TIMD4: variants seen among roughly 807,000 people sequenced by gnomAD.
TIMD4 encodes the protein T cell immunoglobulin and mucin domain containing 4, also known as T-cell immunoglobulin and mucin domain-containing protein 4.
In TIMD4, 31 loss-of-function variants were observed where a neutral mutation model predicts 41.2. The observed-to-expected ratio is 0.75, with a 90% CI of 0.57 to 1.01. The LOEUF is 1.01. Among genes scored for constraint, TIMD4 ranks in the 50% least tolerant of loss-of-function variants. The pLI is 0.00. For missense variants in TIMD4, 479 were observed against 472.5 expected, an observed-to-expected ratio of 1.01 and a Z score of -0.13; for synonymous variants, 204 against 177.1, an observed-to-expected ratio of 1.15 and a Z score of -1.21.
intron 7 of TIMD4, among the ~76,000 whole-genome samples, chr5:156,921,345 G>C (rs900798794): frequency 6.6e-6 from 1 of 152,072 alleles, no homozygotes; most frequent in Admixed American, 6.6e-5. Flanking sequence ...ATCACGCCAG[G>C]CATGGTGGCT....
chr5:156,922,629 T>G (rs1205243473), intron 6 of TIMD4, among the ~76,000 whole-genome samples: 1 of 152,202 alleles, frequency 6.6e-6, no homozygotes, highest in Non-Finnish European at 1.5e-5. Context: ...GTTCTCAAAG[T>G]CTAGATGGGG....
intron 6 of TIMD4, among the ~76,000 whole-genome samples, chr5:156,926,037 G>A (rs1281802338): frequency 2.0e-5 from 3 of 152,218 alleles, no homozygotes; most frequent in African/African-American, 7.2e-5. Context: ...CTGGGTAGCT[G>A]GGACTACAGG....
chr5:156,930,646 T>C (rs1759429845), intron 5 of TIMD4, among the ~76,000 whole-genome samples: 1 of 152,268 alleles, frequency 6.6e-6, no homozygotes, highest in African/African-American at 2.4e-5. Flanking sequence ...TTTACATTTA[T>C]TTATACCTTA....
At chr5:156,953,377 C>T (rs775760557) in intron 2 of TIMD4, among the ~76,000 whole-genome samples, 9 of 151,832 alleles carry the variant, frequency 5.9e-5, no homozygotes, top group Non-Finnish European at 8.8e-5. Context: ...GAATATAGGC[C>T]GGGTGTGGTG....
intron 6 of TIMD4, chr5:156,924,375 C>G (rs181283995): frequency 2.6e-6 from 1 of 382,274 alleles, no homozygotes; most frequent in Non-Finnish European, 5.3e-6. Context: ...CTAAATGAAG[C>G]CAAAGATGTA....
chr5:156,920,458 G>A lies in TIMD4; in HGVS notation c.1052+6C>T, dbSNP rs758565340. ...TTACAACACCCATTCATGCAAGATAGATTACCTTGTGTGTTTCTGCGAACA... is the reference window on the plus strand; with the variant it reads ...TTACAACACCCATTCATGCAAGATAAATTACCTTGTGTGTTTCTGCGAACA... On this transcript the variant is annotated splice_donor_region_variant and intron_variant, in intron 8 of 8. Coordinates refer to ENST00000274532, the MANE Select transcript of TIMD4 (RefSeq NM_138379.3). 9 of 1,613,738 alleles carry A rather than the reference G, an allele frequency of 5.6e-6. No homozygotes were observed. In the East Asian group the frequency reaches 2.0e-4, roughly 36 times the overall value.
intron 5 of TIMD4, among the ~76,000 whole-genome samples, chr5:156,927,125 G>A (rs1448610158): frequency 6.6e-6 from 1 of 152,222 alleles, no homozygotes; most frequent in Admixed American, 6.5e-5. Context: ...GGCAGGTAGA[G>A]GGAGAAGCAT....
intron 6 of TIMD4, among the ~76,000 whole-genome samples, chr5:156,922,480 A>T (rs1209105232): frequency 2.6e-5 from 4 of 152,214 alleles, no homozygotes; most frequent in African/African-American, 9.6e-5. Flanking sequence ...TCCATGGTCA[A>T]ATCTCTTTCC....
chr5:156,922,985 A>T (rs999121241), intron 6 of TIMD4, among the ~76,000 whole-genome samples: 21 of 152,266 alleles, frequency 1.4e-4, no homozygotes, highest in Admixed American at 3.9e-4. Context: ...TGATTTTTTT[A>T]AATGTTTTAA....
Position 156,948,476 on chromosome 5 carries a change from A to T in TIMD4, c.784T>A (p.Ser262Thr), listed in dbSNP as rs199786546. 3.2e-6 allele frequency: 5 copies of T among 1,555,928 alleles called. No individual in the cohort carries two copies. In the East Asian group the frequency reaches 9.5e-5, roughly 30 times the overall value. The change falls in exon 5 of 9, where the codon TCA becomes ACA. Residue 262 changes from serine to threonine, a missense_variant. By Grantham distance (58) the Ser-to-Thr change is moderately conservative. Coordinates refer to ENST00000274532, the MANE Select transcript of TIMD4 (RefSeq NM_138379.3). ...TTCCACATTGACACGTGGGATGTTG[A>T]TGGGAGATCCCAAACTTTGGACTCT... Reference protein sequence around the residue: ...SKESKVWDLPSTSHVSMWKTS... With the variant: ...SKESKVWDLPTTSHVSMWKTS...
rs191031625 is a variant in TIMD4, at chr5:156,953,233, T to C, written c.400+1182A>G. Among the ~76,000 whole-genome samples the C allele has an allele frequency of 6.4e-3, 977 of 152,290 alleles. 4 individuals are homozygous for C. The highest frequency in any genetic ancestry group is 0.01 in the Non-Finnish European group (701 of 68,022). On this transcript the variant is annotated intron_variant, in intron 2 of 8. Coordinates refer to ENST00000274532, the MANE Select transcript of TIMD4 (RefSeq NM_138379.3). ...AACCTCATTTCTCTCTTCTGCAAAA[T>C]TGGAATAGCTTTTATCTCAGAATGT...
Position 156,954,500 on chromosome 5 carries a change from A to G in TIMD4, c.315T>C (p.Ser105=). 6.2e-7 allele frequency: 1 copy of G among 1,614,232 alleles called. No individual in the cohort carries two copies. Reference sequence around the variant, plus strand: ...TGCGGCAGCAGTACACACCGCTGTCACTTTCACTGGGGTTTAAGATGGTCA... The same window carrying G: ...TGCGGCAGCAGTACACACCGCTGTCGCTTTCACTGGGGTTTAAGATGGTCA... The part of the protein sequence containing the change: ...VSLTILNPSE[S]DSGVYCCRIE... Residue 105 remains serine (S), a synonymous_variant, in exon 2 of 9, where the codon AGT becomes AGC. Transcript: ENST00000274532.
chr5:156,958,705 A>T (rs1035971024), intron 1 of TIMD4, among the ~76,000 whole-genome samples: 1 of 152,210 alleles, frequency 6.6e-6, no homozygotes, highest in African/African-American at 2.4e-5. Flanking sequence ...CACGTTTGTT[A>T]TCCACCCTAG....
chr5:156,941,909 T>A (rs1019340113), intron 5 of TIMD4, among the ~76,000 whole-genome samples: 1 of 152,312 alleles, frequency 6.6e-6, no homozygotes, highest in African/African-American at 2.4e-5. Flanking sequence ...CTTAACTCCA[T>A]GGAAAGGCCA....
rs576078904 is a variant in TIMD4, at chr5:156,963,213, G to A, written c.-15C>T. 34 of 1,613,986 alleles carry A rather than the reference G, an allele frequency of 2.1e-5. No homozygotes were observed. The highest frequency in any genetic ancestry group is 2.1e-4 in the South Asian group (19 of 91,074). ...TCTTTGGACATTTTGACGGTTGACC[G>A]GACCCAGGAGTCTGTCTATCTATCC... On this transcript the variant is annotated 5_prime_UTR_variant, in exon 1 of 9. Coordinates refer to ENST00000274532, the MANE Select transcript of TIMD4 (RefSeq NM_138379.3).
At chr5:156,930,851 C>A (rs944145108) in intron 5 of TIMD4, among the ~76,000 whole-genome samples, 22 of 152,300 alleles carry the variant, frequency 1.4e-4, no homozygotes, top group African/African-American at 4.6e-4. Context: ...TAATGACACC[C>A]AAATATGTCC....
At chr5:156,939,779 C>G (rs1293168937) in intron 5 of TIMD4, among the ~76,000 whole-genome samples, 1 of 152,178 alleles carries the variant, frequency 6.6e-6, no homozygotes, top group East Asian at 1.9e-4. Flanking sequence ...TACTCCGTCC[C>G]CTCTCTATTG....
chr5:156,936,355 T>C (rs1489595858), intron 5 of TIMD4, among the ~76,000 whole-genome samples: 2 of 152,218 alleles, frequency 1.3e-5, no homozygotes, highest in East Asian at 3.8e-4. Context: ...ATGGCTACCA[T>C]ATACTGAGCA....
intron 5 of TIMD4, among the ~76,000 whole-genome samples, chr5:156,937,842 C>T (rs1759568732): frequency 6.6e-6 from 1 of 152,230 alleles, no homozygotes; most frequent in African/African-American, 2.4e-5. Context: ...GGGCTACCAA[C>T]TGATTCAAGT....
Sources: allele counts gnomAD v4.1 joint callset (sites outside exome capture counted in the v4.1 genomes callset), GRCh38; gene constraint gnomAD v4.1.1; transcripts MANE v1.5; gene names NCBI Gene and HGNC (gene_info 2026-07-23, HGNC 2026-07-21).